Variants in ZSWIM9 observed in about 807,000 individuals in gnomAD.
ZSWIM9 encodes the protein zinc finger SWIM-type containing 9, also known as uncharacterized protein ZSWIM9.
Under a neutral mutation model 25.0 loss-of-function variants are expected in ZSWIM9, and 11 were observed. That is an observed-to-expected ratio of 0.44 (90% CI 0.28 to 0.73). The LOEUF (loss-of-function observed/expected upper bound fraction) is 0.73, where lower values mean the gene tolerates loss of function less well. Ranked by LOEUF, ZSWIM9 falls within the 30% of genes least tolerant of loss-of-function variation. The pLI, the probability that ZSWIM9 is intolerant of heterozygous loss-of-function variation, is 0.16. For missense variants in ZSWIM9, 1,070 were observed against 1,296.5 expected (o/e 0.83, Z 2.68); for synonymous variants, 562 against 582.1 (o/e 0.97, Z 0.50).
In ZSWIM9 at chr19:48,171,879, C is replaced by T. The variant is rs1317564661; in HGVS notation, c.77C>T (p.Ser26Leu). 1.3e-6 allele frequency: 2 copies of T among 1,535,686 alleles called. No individual in the cohort carries two copies. Among genetic ancestry groups the T allele is most frequent in the South Asian group, 2.4e-5 (2 of 84,032 alleles). ...EQELRERAFF[S>L]WAEFSRFFDA... ...GAGCTGCGGGAGCGGGCCTTCTTCT[C>T]GTGGGCCGAGTTCAGCCGCTTCTTC... Residue 26 changes from serine to leucine, a missense_variant, in exon 2 of 4, where the codon TCG becomes TTG. This residue lies in a region of ZSWIM9 where 265 missense variants were observed against 339.0 expected (regional missense o/e 0.78). Transcript: ENST00000614654.
chr19:48,172,247 T>C (rs1351915610), intron 2 of ZSWIM9, among the ~76,000 whole-genome samples, 170 bp downstream of exon 2: 1 of 151,154 alleles, frequency 6.6e-6, no homozygotes, highest in Non-Finnish European at 1.5e-5. Flanking sequence ...GGACATGTAC[T>C]GAGAGAAGAA....
At position 48,196,457 on chromosome 19, in the gene ZSWIM9, G is replaced by A. The variant is rs561642469; in HGVS notation, c.2393G>A (p.Gly798Glu). ...HLAAGDGLQE[G>E]GEDGPREPKR... ...GCTGCAGGTGACGGCCTGCAGGAAGGAGGCGAAGATGGCCCCAGGGAACCA... is the reference window on the plus strand; with the variant it reads ...GCTGCAGGTGACGGCCTGCAGGAAGAAGGCGAAGATGGCCCCAGGGAACCA... Residue 798 changes from glycine to glutamate, a missense_variant, in exon 4 of 4, where the codon GGA becomes GAA. Coordinates refer to ENST00000614654, the MANE Select transcript of ZSWIM9 (RefSeq NM_199341.4). 1.6e-6 allele frequency: 2 copies of A among 1,232,520 alleles called. No homozygotes were observed. The highest frequency in any genetic ancestry group is 1.6e-5 in the African/African-American group (1 of 64,408). The allele number at this position is 1,232,520 out of a possible 1,614,324, so 76.3% of individuals were successfully genotyped here. A position where few individuals can be genotyped will look rare whatever the true frequency, so the allele number is the denominator to read the frequency against.
chr19:48,190,203 C>CAAA (rs34456808), intron 3 of ZSWIM9, among the ~76,000 whole-genome samples: 1 of 130,594 alleles, frequency 7.7e-6, no homozygotes, highest in Non-Finnish European at 1.6e-5. Flanking sequence ...GACTCCATCT[C>CAAA]AAAAAAAAAA....
intron 3 of ZSWIM9, among the ~76,000 whole-genome samples, chr19:48,191,367 G>A (rs2037092972): frequency 6.6e-6 from 1 of 152,012 alleles, no homozygotes; most frequent in Admixed American, 6.6e-5. Flanking sequence ...ACCACGCCCA[G>A]CTAATTTTTG....
At chr19:48,181,118 A>T (rs1180066853) in intron 2 of ZSWIM9, 1 of 152,060 alleles carries the variant, frequency 6.6e-6, no homozygotes, top group Non-Finnish European at 1.5e-5. Flanking sequence ...GTAGACTTTT[A>T]AAAAATGTAA....
At chr19:48,173,104 C>T (rs75972737) in intron 2 of ZSWIM9, among the ~76,000 whole-genome samples, 4,311 of 152,128 alleles carry the variant, frequency 0.028, 141 homozygotes, top group African/African-American at 0.063. Flanking sequence ...CTAGTTGGAG[C>T]GATGGAGTTG....
Position 48,171,854 on chromosome 19 carries a change from G to A in ZSWIM9, c.52G>A (p.Glu18Lys). The change falls in exon 2 of 4, where the codon GAG becomes AAG. Residue 18 changes from glutamate (E) to lysine (K), a missense_variant. Glu to Lys is a moderately conservative substitution (Grantham distance 56). Coordinates refer to ENST00000614654, the MANE Select transcript of ZSWIM9 (RefSeq NM_199341.4). ...PGTAAGQEEQ[E>K]LRERAFFSWA... Reference sequence around the variant, plus strand: ...CACGGCTGCGGGGCAGGAGGAGCAGGAGCTGCGGGAGCGGGCCTTCTTCTC... The same window carrying A: ...CACGGCTGCGGGGCAGGAGGAGCAGAAGCTGCGGGAGCGGGCCTTCTTCTC... 1 of 1,535,072 alleles carries A rather than the reference G, an allele frequency of 6.5e-7. No homozygotes were observed. The highest frequency in any genetic ancestry group is 8.7e-7 in the Non-Finnish European group (1 of 1,146,516).
chr19:48,176,785 C>T (rs1361570687), intron 2 of ZSWIM9, among the ~76,000 whole-genome samples: 1 of 151,892 alleles, frequency 6.6e-6, no homozygotes, highest in Non-Finnish European at 1.5e-5. Flanking sequence ...AAATCCCAGC[C>T]GGGTGCGGTG....
Position 48,197,542 on chromosome 19 carries a change from T to C in ZSWIM9, c.*715T>C, listed in dbSNP as rs965680661. 3.8e-5 allele frequency: 19 copies of C among 496,246 alleles called. No individual in the cohort carries two copies. The highest frequency in any genetic ancestry group is 3.7e-4 in the African/African-American group (19 of 51,420). The allele number at this position is 496,246 out of a possible 1,614,324, so 30.7% of individuals were successfully genotyped here. On this transcript the variant is annotated 3_prime_UTR_variant, in exon 4 of 4. Coordinates refer to ENST00000614654, the MANE Select transcript of ZSWIM9 (RefSeq NM_199341.4). ...AGAGAGGGAGGGCGGGCACTGGGGG[T>C]CAGGAGAGTCTCCAGCAGGGGAGGG... is the stretch of plus-strand genomic sequence containing the variant.
In ZSWIM9 at chr19:48,177,364, C is replaced by T. The variant is rs1032539547; in HGVS notation, c.276-5091C>T. ...GTGTGCCAGGGTTTGTAGGTTACATCGTGGGATTTAGTCACTGAATCATCA... is the reference window on the plus strand; with the variant it reads ...GTGTGCCAGGGTTTGTAGGTTACATTGTGGGATTTAGTCACTGAATCATCA... On this transcript the variant is annotated intron_variant, in intron 2 of 3. Coordinates refer to ENST00000614654, the MANE Select transcript of ZSWIM9 (RefSeq NM_199341.4). 3.3e-5 allele frequency among the ~76,000 whole-genome samples: 5 copies of T among 152,144 alleles called. No individual in the cohort carries two copies. In the East Asian group the frequency reaches 5.8e-4, roughly 18 times the overall value.
chr19:48,187,981 TAGATAGAC>T (rs1296247387), intron 3 of ZSWIM9, among the ~76,000 whole-genome samples: 5 of 147,558 alleles, frequency 3.4e-5, no homozygotes, highest in African/African-American at 1.3e-4. Flanking sequence ...GATAGATAGA[TAGATAGAC>T]AGACAGACAG....
At chr19:48,181,151 C>T (rs1232901914) in intron 2 of ZSWIM9, 1 of 151,934 alleles carries the variant, frequency 6.6e-6, no homozygotes, top group Non-Finnish European at 1.5e-5. Flanking sequence ...AAAGTACACA[C>T]ATCATATGTG....
At chr19:48,185,376 C>A (rs939247193) in intron 3 of ZSWIM9, among the ~76,000 whole-genome samples, 1 of 152,144 alleles carries the variant, frequency 6.6e-6, no homozygotes, top group South Asian at 2.1e-4. Flanking sequence ...CTCAGGTGAT[C>A]CCCCCGCCTT....
chr19:48,185,162 G>A (rs191434407), intron 3 of ZSWIM9, among the ~76,000 whole-genome samples: 5 of 146,322 alleles, frequency 3.4e-5, no homozygotes, highest in South Asian at 4.3e-4. Context: ...TTTTTGAGAC[G>A]GAGTTTCGCT....
intron 1 of ZSWIM9, chr19:48,171,210 A>G (rs933458887): frequency 1.0e-6 from 1 of 985,266 alleles, no homozygotes; most frequent in South Asian, 4.7e-5. Flanking sequence ...CAACAGCTGC[A>G]CGCCAGAGGC....
intron 3 of ZSWIM9, among the ~76,000 whole-genome samples, chr19:48,184,106 A>T (rs1251756641): frequency 1.3e-5 from 2 of 151,970 alleles, no homozygotes; most frequent in Non-Finnish European, 2.9e-5. Flanking sequence ...AATGTGATGG[A>T]GCGATAAGTT....
chr19:48,194,152 CA>C lies in ZSWIM9; in HGVS notation c.589-500del, dbSNP rs2037130120. ...TACCACCAGACCAGTCATCCTTAAG[CA>C]TGCATAGGAGTCCCCTGGAGGGCTT... On this transcript the variant is annotated intron_variant, in intron 3 of 3. Transcript: ENST00000614654. This position sits in a 1 kb window ranked among gnomAD's most constrained non-coding sequence, Gnocchi z 6.0. Among the ~76,000 whole-genome samples the C allele has an allele frequency of 6.6e-6, 1 of 152,200 alleles. No individual in the cohort carries two copies. Among genetic ancestry groups the C allele is most frequent in the South Asian group, 2.1e-4 (1 of 4,830 alleles).
intron 3 of ZSWIM9, chr19:48,183,109 A>ATTAT: frequency 5.5e-6 from 1 of 183,482 alleles, no homozygotes; most frequent in Admixed American, 5.8e-5. Flanking sequence ...TAATTAATTA[A>ATTAT]TTAATTAATT....
Position 48,197,270 on chromosome 19 carries a change from G to A in ZSWIM9, c.*443G>A, listed in dbSNP as rs1040874187. On this transcript the variant is annotated 3_prime_UTR_variant, in exon 4 of 4. Transcript: ENST00000614654. ...ACAGAAGACAGATGAAGGAGAGGAG[G>A]TAAGCGAGAAAAAATGGAAAGGGGA... 1 of 699,858 alleles carries A rather than the reference G, an allele frequency of 1.4e-6. No individual in the cohort carries two copies. The allele number at this position is 699,858 out of a possible 1,614,324, so 43.4% of individuals were successfully genotyped here.
Sources: gnomAD v4.1 joint callset for allele counts (sites outside exome capture counted in the v4.1 genomes callset) on GRCh38, gnomAD v4.1.1 for gene constraint, gnomAD v4.1.1 regional missense constraint, Gnocchi (gnomAD v3.1) non-coding constraint, MANE v1.5 for transcripts, NCBI Gene and HGNC (gene_info 2026-07-23, HGNC 2026-07-21) for gene names.